The following TXNRD2 variants were observed in gnomAD, a reference collection of about 807,000 sequenced individuals.
TXNRD2 encodes the protein thioredoxin reductase 2, mitochondrial.
Under a neutral mutation model 70.8 loss-of-function variants are expected in TXNRD2, and 67 were observed. That is an observed-to-expected ratio of 0.95 (90% confidence interval 0.78 to 1.16). TXNRD2 has a LOEUF of 1.16. Among genes scored for constraint, TXNRD2 ranks in the 50% most tolerant of loss-of-function variants. The probability of loss-of-function intolerance (pLI) is 0.00; values close to 1 mark genes in which losing one functional copy is unlikely to be tolerated. For missense variants in TXNRD2, 644 were observed against 719.9 expected, an observed-to-expected ratio of 0.89 and a Z score of 1.21; for synonymous variants, 301 against 295.8, an observed-to-expected ratio of 1.02 and a Z score of -0.18.
chr22:19,915,375 GC>G (rs1601447883), intron 6 of TXNRD2, 99 bp from the exon 7 acceptor site: 1 of 1,215,484 alleles, frequency 8.2e-7, no homozygotes, highest in East Asian at 2.5e-5. Context: ...AGTTCCCACG[GC>G]CCCTGCCCTG....
chr22:19,913,022 G>A (rs1441966786), intron 7 of TXNRD2, among the ~76,000 whole-genome samples: 3 of 152,294 alleles, frequency 2.0e-5, no homozygotes, highest in Admixed American at 6.5e-5. Context: ...TGGAGCAGGC[G>A]GCACACGGTT....
chr22:19,936,041 T>C (rs1941528428), intron 1 of TXNRD2, among the ~76,000 whole-genome samples: 2 of 152,176 alleles, frequency 1.3e-5, no homozygotes, highest in Admixed American at 6.5e-5. Context: ...TTCAGGGCAG[T>C]GGAAGAACAC....
chr22:19,932,598 A>T, intron 1 of TXNRD2: 1 of 1,437,262 alleles, frequency 7.0e-7, no homozygotes, highest in Non-Finnish European at 9.2e-7. Flanking sequence ...TGAAGGAAGG[A>T]AGAAATAATA....
Position 19,880,277 on chromosome 22 carries a change from A to G in TXNRD2, c.1183-6T>C. ...GTGAAGACGGTCGTGGGAACCTGAA[A>G]GCAGGTCTGGAGTCAGGGAGGGCCC... On this transcript the variant is annotated splice_region_variant and splice_polypyrimidine_tract_variant and intron_variant, in intron 13 of 17. Coordinates refer to ENST00000400521, the MANE Select transcript of TXNRD2 (RefSeq NM_006440.5). The G allele has an allele frequency of 6.2e-7, 1 of 1,613,346 alleles. No individual in the cohort carries two copies. Among genetic ancestry groups the G allele is most frequent in the African/African-American group, 1.3e-5 (1 of 75,046 alleles).
chr22:19,918,326 C>G, intron 4 of TXNRD2, 109 bp from the exon 5 acceptor site: 1 of 1,064,454 alleles, frequency 9.4e-7, no homozygotes, highest in South Asian at 1.3e-5. Context: ...TATCAAAAAA[C>G]AAGAGTGCTT....
intron 1 of TXNRD2, among the ~76,000 whole-genome samples, chr22:19,938,443 CACCATACACATTCA>C (rs148950828): frequency 0.14 from 21,998 of 152,234 alleles, 1,903 homozygotes; most frequent in Non-Finnish European, 0.19. Context: ...GGCCTACCTG[CACCATACACATTCA>C]AGGAAAAAAG....
intron 2 of TXNRD2, among the ~76,000 whole-genome samples, chr22:19,927,069 G>A (rs1230080561): frequency 2.6e-5 from 4 of 151,910 alleles, no homozygotes; most frequent in Admixed American, 1.3e-4. Context: ...CAAGGTGGGC[G>A]GATCACCTGA....
At chr22:19,877,648 CCT>C (rs756906745) in intron 16 of TXNRD2, among the ~76,000 whole-genome samples, 89 of 152,226 alleles carry the variant, frequency 5.8e-4, no homozygotes, top group Non-Finnish European at 9.7e-4. Context: ...TCCAACTACC[CCT>C]GTCAACCCAC....
In TXNRD2 at chr22:19,918,988, G is replaced by A. The variant is rs11541479; in HGVS notation, c.246C>T (p.Leu82=). The A allele has an allele frequency of 0.15, 240,689 of 1,609,906 alleles. 20,833 individuals carry two copies. Among genetic ancestry groups the A allele is most frequent in the African/African-American group, 0.37 (27,736 of 74,554 alleles). ...AGCCCACGTTGACGCAGGTGCCGCCGAGGCCCCACCGGGTGCCTGGGACGT... is the reference window on the plus strand; with the variant it reads ...AGCCCACGTTGACGCAGGTGCCGCCAAGGCCCCACCGGGTGCCTGGGACGT... ...EPSPQGTRWG[L]GGTCVNVGCI... Residue 82 remains leucine, a synonymous_variant, in exon 4 of 18, where the codon CTC becomes CTT. Coordinates refer to ENST00000400521, the MANE Select transcript of TXNRD2 (RefSeq NM_006440.5).
intron 2 of TXNRD2, among the ~76,000 whole-genome samples, chr22:19,929,336 A>T (rs895730323): frequency 9.4e-5 from 14 of 149,696 alleles, no homozygotes; most frequent in African/African-American, 3.4e-4. Flanking sequence ...CAAAAAAAAA[A>T]AAAAAAAAAT....
At chr22:19,899,361 A>G (rs1227941169) in intron 8 of TXNRD2, among the ~76,000 whole-genome samples, 1 of 152,232 alleles carries the variant, frequency 6.6e-6, no homozygotes, top group Non-Finnish European at 1.5e-5. Context: ...CCAGAGCAGC[A>G]CATGGCTTTC....
chr22:19,909,061 C>A (rs1475639180), intron 8 of TXNRD2, among the ~76,000 whole-genome samples: 1 of 151,810 alleles, frequency 6.6e-6, no homozygotes, highest in East Asian at 1.9e-4. Context: ...AAAAAATTAG[C>A]GGGGTGTGGT....
At chr22:19,909,773 A>C (rs1261818510) in intron 8 of TXNRD2, among the ~76,000 whole-genome samples, 29 of 67,406 alleles carry the variant, frequency 4.3e-4, no homozygotes, top group Non-Finnish European at 5.6e-4. Context: ...ACACACACAC[A>C]CCACACACAC....
chr22:19,909,091 G>C (rs9617848), intron 8 of TXNRD2, among the ~76,000 whole-genome samples: 1 of 151,366 alleles, frequency 6.6e-6, no homozygotes, highest in Non-Finnish European at 1.5e-5. Context: ...CTGTAGTCCC[G>C]GCTACTCAGA....
intron 11 of TXNRD2, among the ~76,000 whole-genome samples, chr22:19,892,534 G>C (rs56132768): frequency 0.2 from 30,043 of 152,260 alleles, 3,002 homozygotes; most frequent in Middle Eastern, 0.25. Flanking sequence ...TGCAGGCCAC[G>C]GCAGCTCTGC....
chr22:19,921,181 G>A lies in TXNRD2; in HGVS notation c.173-1582C>T, dbSNP rs1255867773. On this transcript the variant is annotated intron_variant, in intron 2 of 17. Transcript: ENST00000400521. ...TATAATCTCAACACTTTGGGAGGCC[G>A]CAGCAGGCAGATTGCTTGAGCCCAG... 2.7e-5 allele frequency among the ~76,000 whole-genome samples: 4 copies of A among 150,762 alleles called. No individual in the cohort carries two copies. The South Asian group carries it at 6.3e-4, about 24-fold the overall frequency.
chr22:19,922,928 C>T (rs1940971480), intron 2 of TXNRD2, among the ~76,000 whole-genome samples: 1 of 151,788 alleles, frequency 6.6e-6, no homozygotes, highest in Non-Finnish European at 1.5e-5. Context: ...ATCTCATGAT[C>T]CGCCCACCTC....
chr22:19,897,946 G>A (rs1232885378), intron 10 of TXNRD2, 93 bp downstream of exon 10: 3 of 975,130 alleles, frequency 3.1e-6, no homozygotes, highest in South Asian at 1.5e-5. Flanking sequence ...GGCATCACTC[G>A]TGGCCCATGA....
chr22:19,908,124 A>G lies in TXNRD2; in HGVS notation c.662+3253T>C, dbSNP rs1193650263. On this transcript the variant is annotated intron_variant, in intron 8 of 17. Coordinates refer to ENST00000400521, the MANE Select transcript of TXNRD2 (RefSeq NM_006440.5). ...ACTGCTCTCAGGAGAGTGTGGGTGCACCGTGGGTAGCAGTGACCGCTCTCA... is the reference window on the plus strand; with the variant it reads ...ACTGCTCTCAGGAGAGTGTGGGTGCGCCGTGGGTAGCAGTGACCGCTCTCA... Among the ~76,000 whole-genome samples, 52 of 69,170 alleles carry G rather than the reference A, an allele frequency of 7.5e-4. 2 individuals are homozygous for G. Among genetic ancestry groups the G allele is most frequent in the African/African-American group, 3.1e-3 (49 of 15,564 alleles). The allele number at this position is 69,170 out of a possible 152,430, so 45.4% of individuals were successfully genotyped here.
Sources: allele counts gnomAD v4.1 joint callset (sites outside exome capture counted in the v4.1 genomes callset), GRCh38; gene constraint gnomAD v4.1.1; transcripts MANE v1.5; gene names NCBI Gene and HGNC (gene_info 2026-07-23, HGNC 2026-07-21).